The following SCO1 variants were observed in gnomAD, a reference collection of about 807,000 sequenced individuals.
The protein encoded by SCO1 is synthesis of cytochrome C oxidase 1, also known as cytochrome c oxidase assembly factor SCO1.
A neutral mutation model predicts 34.0 loss-of-function variants in SCO1; 23 were observed. The ratio of observed to expected loss-of-function variants is 0.68; its 90% CI spans 0.49 to 0.96. The LOEUF (loss-of-function observed/expected upper bound fraction) is 0.96, where lower values mean the gene tolerates loss of function less well. SCO1 is among the 40% of genes least tolerant of loss of function. The probability of loss-of-function intolerance (pLI) is 0.00; values close to 1 mark genes in which losing one functional copy is unlikely to be tolerated. For missense variants in SCO1, 404 were observed against 381.6 expected (o/e 1.06, Z -0.49); for synonymous variants, 161 against 145.5 (o/e 1.11, Z -0.77).
Position 10,680,854 on chromosome 17 carries a change from G to A in SCO1, c.*265C>T, listed in dbSNP as rs755141823. On this transcript the variant is annotated 3_prime_UTR_variant, in exon 6 of 6. Coordinates refer to ENST00000255390, the MANE Select transcript of SCO1 (RefSeq NM_004589.4). The stretch of plus-strand genomic sequence containing the variant: ...GCCCCGCCATGTCCTTCCACAGGTG[G>A]GCTCTTCACTGGCTTCACTTCAGCT... 1.3e-4 allele frequency: 69 copies of A among 516,156 alleles called. No individual in the cohort carries two copies. The highest frequency in any genetic ancestry group is 1.8e-4 in the Non-Finnish European group (52 of 286,972). 32.0% of individuals were successfully genotyped at this position (516,156 alleles called of 1,614,324 possible). A position where few individuals can be genotyped will look rare whatever the true frequency, so the allele number is the denominator to read the frequency against.
chr17:10,696,935 AG>A (rs561613291), intron 1 of SCO1, among the ~76,000 whole-genome samples: 46 of 150,474 alleles, frequency 3.1e-4, no homozygotes, highest in African/African-American at 1.1e-3. Context: ...CATACCCTTA[AG>A]AAAACCTGAA....
intron 5 of SCO1, among the ~76,000 whole-genome samples, chr17:10,682,955 C>T (rs1567573333): frequency 1.3e-5 from 2 of 152,212 alleles, no homozygotes; most frequent in African/African-American, 4.8e-5. Flanking sequence ...CTTTTATCAC[C>T]ACGTTGCCTC....
intron 4 of SCO1, 91 bp downstream of exon 4, chr17:10,691,781 C>T: frequency 1.3e-6 from 1 of 790,552 alleles, no homozygotes; most frequent in Non-Finnish European, 2.2e-6. Flanking sequence ...TACCATTTGT[C>T]CTATTTCACA....
In SCO1 at chr17:10,681,212, A is replaced by T; in HGVS notation, c.813T>A (p.Gly271=). 1 of 1,614,080 alleles carries T rather than the reference A, an allele frequency of 6.2e-7. No homozygotes were observed. Among genetic ancestry groups the T allele is most frequent in the Non-Finnish European group, 8.5e-7 (1 of 1,179,984 alleles). The part of the protein sequence containing the change: ...TIIMYLIGPD[G]EFLDYFGQNK... ...TCTGGCCAAAATAATCTAGAAACTCACCATCTGGTCCAATCAAGTACATTA... is the reference window on the plus strand; with the variant it reads ...TCTGGCCAAAATAATCTAGAAACTCTCCATCTGGTCCAATCAAGTACATTA... The change falls in exon 6 of 6, where the codon GGT becomes GGA. Residue 271 remains glycine (G), a synonymous_variant. Transcript: ENST00000255390.
At position 10,673,370 on chromosome 17, in the gene SCO1, A is replaced by T. The variant is rs540032476; in HGVS notation, c.*7749T>A. ...TGTTGACGTCGTCAATCAATCAGTGAATGACTGTCTTGTGCTGTGATCCCG... is the reference window on the plus strand; with the variant it reads ...TGTTGACGTCGTCAATCAATCAGTGTATGACTGTCTTGTGCTGTGATCCCG... On this transcript the variant is annotated 3_prime_UTR_variant, in exon 6 of 6. Coordinates refer to ENST00000255390, the MANE Select transcript of SCO1 (RefSeq NM_004589.4). 47 of 152,344 alleles carry T rather than the reference A, an allele frequency of 3.1e-4. No homozygotes were observed. Among genetic ancestry groups the T allele is most frequent in the African/African-American group, 1.1e-3 (46 of 41,570 alleles). The allele number at this position is 152,344 out of a possible 1,614,324, so 9.4% of individuals were successfully genotyped here. A position where few individuals can be genotyped will look rare whatever the true frequency, so the allele number is the denominator to read the frequency against.
chr17:10,691,971 G>C lies in SCO1; in HGVS notation c.563-7C>G. On this transcript the variant is annotated splice_polypyrimidine_tract_variant and splice_region_variant and intron_variant, in intron 3 of 5. Transcript: ENST00000255390. ...GGCAGAGTTGTAATGCTATCTGAAA[G>C]AGAGTTCCAATTAGTCCGTATTCAC... The C allele has an allele frequency of 1.3e-6, 2 of 1,597,008 alleles. No individual in the cohort carries two copies. The highest frequency in any genetic ancestry group is 2.7e-5 in the African/African-American group (2 of 74,570).
Position 10,681,017 on chromosome 17 carries a change from T to G in SCO1, c.*102A>C. On this transcript the variant is annotated 3_prime_UTR_variant, in exon 6 of 6. Coordinates refer to ENST00000255390, the MANE Select transcript of SCO1 (RefSeq NM_004589.4). Reference sequence around the variant, plus strand: ...TGTTCTCATGGTATGAAGGCCATTCTGTAGAGTGCACGTATATATGTTTAT... The same window carrying G: ...TGTTCTCATGGTATGAAGGCCATTCGGTAGAGTGCACGTATATATGTTTAT... 7.3e-7 allele frequency: 1 copy of G among 1,371,022 alleles called. No individual in the cohort carries two copies. The allele number at this position is 1,371,022 out of a possible 1,614,324, so 84.9% of individuals were successfully genotyped here. A position where few individuals can be genotyped will look rare whatever the true frequency, so the allele number is the denominator to read the frequency against.
chr17:10,690,586 T>C (rs2151455964), intron 4 of SCO1, among the ~76,000 whole-genome samples: 1 of 152,312 alleles, frequency 6.6e-6, no homozygotes. Context: ...ACACCATTGA[T>C]GGAAATGTAA....
chr17:10,681,615 G>C (rs905355321), intron 5 of SCO1, among the ~76,000 whole-genome samples: 1 of 152,220 alleles, frequency 6.6e-6, no homozygotes, highest in Non-Finnish European at 1.5e-5. Context: ...AGCAATGCTT[G>C]TTGAAAAATA....
rs1263481743 is a variant in SCO1, at chr17:10,676,469, G to C, written c.*4650C>G. On this transcript the variant is annotated 3_prime_UTR_variant, in exon 6 of 6. Coordinates refer to ENST00000255390, the MANE Select transcript of SCO1 (RefSeq NM_004589.4). ...GGAATGGGCTGGGGTGGCAGTGGGTGGGGGGGTGCAGACAAAATTAAATGG... is the reference window on the plus strand; with the variant it reads ...GGAATGGGCTGGGGTGGCAGTGGGTCGGGGGGTGCAGACAAAATTAAATGG... 2 of 152,050 alleles carry C rather than the reference G, an allele frequency of 1.3e-5. No individual in the cohort carries two copies. The highest frequency in any genetic ancestry group is 2.9e-5 in the Non-Finnish European group (2 of 68,008). The allele number at this position is 152,050 out of a possible 1,614,324, so 9.4% of individuals were successfully genotyped here.
chr17:10,692,702 G>T, intron 3 of SCO1, 62 bp downstream of exon 3: 2 of 1,351,964 alleles, frequency 1.5e-6, no homozygotes, highest in Non-Finnish European at 2.1e-6. Context: ...ATACAAGGGT[G>T]TGAAAAACCT....
chr17:10,695,510 T>C (rs2074715646), intron 2 of SCO1: 2 of 477,512 alleles, frequency 4.2e-6, no homozygotes, highest in Non-Finnish European at 7.6e-6. Context: ...TGTAATTTAA[T>C]AGTTGTGTGC....
At chr17:10,686,437 C>T (rs902728693) in intron 5 of SCO1, among the ~76,000 whole-genome samples, 49 of 151,164 alleles carry the variant, frequency 3.2e-4, no homozygotes, top group Non-Finnish European at 2.2e-4. Context: ...AAAAAAGTAG[C>T]CAGGTGTGGT....
At position 10,674,206 on chromosome 17, in the gene SCO1, G is replaced by A. The variant is rs879768468; in HGVS notation, c.*6913C>T. ...AAGGCGGGTGGATCACCTGAGGTCA[G>A]GAGTTCAAGACCAGCCTGGCCAACA... is the stretch of plus-strand genomic sequence containing the variant. On this transcript the variant is annotated 3_prime_UTR_variant, in exon 6 of 6. Coordinates refer to ENST00000255390, the MANE Select transcript of SCO1 (RefSeq NM_004589.4). 29 of 159,144 alleles carry A rather than the reference G, an allele frequency of 1.8e-4. No individual in the cohort carries two copies. The highest frequency in any genetic ancestry group is 3.4e-4 in the Non-Finnish European group (25 of 72,636). 9.9% of individuals were successfully genotyped at this position (159,144 alleles called of 1,614,324 possible).
intron 4 of SCO1, among the ~76,000 whole-genome samples, chr17:10,690,122 G>A (rs555083935): frequency 9.2e-5 from 14 of 152,240 alleles, no homozygotes; most frequent in Non-Finnish European, 1.3e-4. Flanking sequence ...AACACTTCAG[G>A]ACATTAGTCT....
chr17:10,674,363 T>G lies in SCO1; in HGVS notation c.*6756A>C, dbSNP rs933677846. Reference sequence around the variant, plus strand: ...ATCACTTGAACCAGGGAGGTGGAGGTTGCAGTGAGCCAAGATCGCACCACT... The same window carrying G: ...ATCACTTGAACCAGGGAGGTGGAGGGTGCAGTGAGCCAAGATCGCACCACT... On this transcript the variant is annotated 3_prime_UTR_variant, in exon 6 of 6. Coordinates refer to ENST00000255390, the MANE Select transcript of SCO1 (RefSeq NM_004589.4). 2.6e-5 allele frequency: 5 copies of G among 192,436 alleles called. No individual in the cohort carries two copies. Among genetic ancestry groups the G allele is most frequent in the South Asian group, 1.6e-4 (2 of 12,592 alleles). The allele number at this position is 192,436 out of a possible 1,614,324, so 11.9% of individuals were successfully genotyped here. A position where few individuals can be genotyped will look rare whatever the true frequency, so the allele number is the denominator to read the frequency against.
At chr17:10,692,637 G>C in intron 3 of SCO1, 127 bp downstream of exon 3, 2 of 784,410 alleles carry the variant, frequency 2.5e-6, no homozygotes, top group Non-Finnish European at 4.3e-6. Context: ...CAAGCCAAAT[G>C]CTGAGATTTT....
Position 10,692,980 on chromosome 17 carries a change from T to C in SCO1, c.365-19A>G, listed in dbSNP as rs773864564. The C allele has an allele frequency of 6.2e-7, 1 of 1,611,824 alleles. No homozygotes were observed. Among genetic ancestry groups the C allele is most frequent in the Non-Finnish European group, 8.5e-7 (1 of 1,178,060 alleles). On this transcript the variant is annotated intron_variant, in intron 2 of 5. Coordinates refer to ENST00000255390, the MANE Select transcript of SCO1 (RefSeq NM_004589.4). ...TCTAACTCTTAAGGAGACAAAAACA[T>C]ATCGACACCAAAAAAAAAGTCAATT...
chr17:10,677,526 G>C lies in SCO1; in HGVS notation c.*3593C>G, dbSNP rs557622056. On this transcript the variant is annotated 3_prime_UTR_variant, in exon 6 of 6. Transcript: ENST00000255390. ...CAATTTCTTTTAAACATAAATTTAA[G>C]AACAATAAAAGCTATTTTAAAGGAT... The C allele has an allele frequency of 4.6e-5, 7 of 152,204 alleles. No homozygotes were observed. In the South Asian group the frequency reaches 1.4e-3, roughly 31 times the overall value. 9.4% of individuals were successfully genotyped at this position (152,204 alleles called of 1,614,324 possible). A position where few individuals can be genotyped will look rare whatever the true frequency, so the allele number is the denominator to read the frequency against.
Sources: gnomAD v4.1 joint callset for allele counts (sites outside exome capture counted in the v4.1 genomes callset) on GRCh38, gnomAD v4.1.1 for gene constraint, MANE v1.5 for transcripts, NCBI Gene and HGNC (gene_info 2026-07-23, HGNC 2026-07-21) for gene names.